The following WASHC5 variants were observed in gnomAD, a reference collection of about 807,000 sequenced individuals.
WASHC5 encodes the protein WASH complex subunit 5, also known as WASH complex subunit strumpellin.
WASHC5 carries 101 observed loss-of-function variants against 150.4 expected under a neutral mutation model. The ratio of observed to expected loss-of-function variants is 0.67; its 90% CI spans 0.57 to 0.79. WASHC5 has a LOEUF of 0.79. Among genes scored for constraint, WASHC5 ranks in the 30% least tolerant of loss-of-function variants. The pLI is 0.00. For synonymous variants in WASHC5, 467 were observed against 491.2 expected (o/e 0.95, Z 0.65); for missense variants, 1,195 against 1,396.3 (o/e 0.86, Z 2.30).
chr8:125,072,335 TA>T lies in WASHC5; in HGVS notation c.1150+817del, dbSNP rs1214416109. On this transcript the variant is annotated intron_variant, in intron 9 of 28. Coordinates refer to ENST00000318410, the MANE Select transcript of WASHC5 (RefSeq NM_014846.4). ...ACCTGGGGAACTTGAGATCCTGTCT[TA>T]AAAAAAAAAAAAAAGTGGGGGGGGG... Among the ~76,000 whole-genome samples the T allele has an allele frequency of 4.6e-3, 324 of 69,880 alleles. 2 individuals are homozygous for T. Among genetic ancestry groups the T allele is most frequent in the African/African-American group, 0.021 (282 of 13,302 alleles). 45.8% of individuals were successfully genotyped at this position (69,880 alleles called of 152,430 possible).
chr8:125,031,147 T>C (rs1202858873), intron 27 of WASHC5, among the ~76,000 whole-genome samples: 1 of 152,204 alleles, frequency 6.6e-6, no homozygotes, highest in Non-Finnish European at 1.5e-5. Context: ...AGTGGCTGCA[T>C]GACTACCTGT....
chr8:125,034,466 G>A lies in WASHC5; in HGVS notation c.3182-2072C>T, dbSNP rs111990997. ...TGCAGTGGGCCGAGATTACGCTACTGCACTTCAGCCTGGGTGACAGAGTGA... is the reference window on the plus strand; with the variant it reads ...TGCAGTGGGCCGAGATTACGCTACTACACTTCAGCCTGGGTGACAGAGTGA... On this transcript the variant is annotated intron_variant, in intron 26 of 28. Transcript: ENST00000318410. Among the ~76,000 whole-genome samples the A allele has an allele frequency of 1.7e-3, 260 of 152,170 alleles. 1 individual carries two copies. Among genetic ancestry groups the A allele is most frequent in the African/African-American group, 6.0e-3 (251 of 41,524 alleles).
At chr8:125,084,644 C>T (rs1817366492) in intron 1 of WASHC5, among the ~76,000 whole-genome samples, 1 of 152,222 alleles carries the variant, frequency 6.6e-6, no homozygotes, top group Admixed American at 6.5e-5. Context: ...TTCCAATGCA[C>T]TCTCTGAGGA....
intron 18 of WASHC5, 147 bp downstream of exon 18, chr8:125,050,417 A>G (rs1816204218): frequency 1.6e-5 from 8 of 505,946 alleles, no homozygotes; most frequent in Non-Finnish European, 2.9e-5. Flanking sequence ...ATCAAAAAGC[A>G]CATCAGTTGT....
chr8:125,032,255 C>T lies in WASHC5; in HGVS notation c.3321G>A (p.Val1107=), dbSNP rs1205663512. The T allele has an allele frequency of 6.2e-7, 1 of 1,614,116 alleles. No individual in the cohort carries two copies. Among genetic ancestry groups the T allele is most frequent in the Non-Finnish European group, 8.5e-7 (1 of 1,180,006 alleles). The change falls in exon 27 of 29, where the codon GTG becomes GTA. Residue 1107 remains valine, a synonymous_variant. Coordinates refer to ENST00000318410, the MANE Select transcript of WASHC5 (RefSeq NM_014846.4). The part of the protein sequence containing the change: ...ALIGQFICST[V]EQCTSQKIPE... Reference sequence around the variant, plus strand: ...GTCTTCTGTACCTTGTACACTGCTCCACCGTGGAGCAGATAAACTGGCCAA... The same window carrying T: ...GTCTTCTGTACCTTGTACACTGCTCTACCGTGGAGCAGATAAACTGGCCAA...
chr8:125,091,326 C>A (rs957248365), intron 1 of WASHC5, among the ~76,000 whole-genome samples: 1 of 152,122 alleles, frequency 6.6e-6, no homozygotes, highest in African/African-American at 2.4e-5. Flanking sequence ...GAAATAACGA[C>A]GACATCCATA....
At chr8:125,077,338 C>T (rs965123859) in intron 6 of WASHC5, among the ~76,000 whole-genome samples, 5 of 152,238 alleles carry the variant, frequency 3.3e-5, no homozygotes, top group Non-Finnish European at 5.9e-5. Context: ...CCAGGCTACT[C>T]GCCATATACA....
Position 125,064,201 on chromosome 8 carries a change from T to C in WASHC5, c.1279-550A>G, listed in dbSNP as rs76752130. Among the ~76,000 whole-genome samples, 223 of 152,126 alleles carry C rather than the reference T, an allele frequency of 1.5e-3. 2 individuals carry two copies. The East Asian group carries it at 0.031, about 21-fold the overall frequency. On this transcript the variant is annotated intron_variant, in intron 10 of 28. Coordinates refer to ENST00000318410, the MANE Select transcript of WASHC5 (RefSeq NM_014846.4). ...ATACAAGTAATTGTGTTTATTGTTA[T>C]TTATTTATTTAGTTTTTGAGAGACA...
At chr8:125,072,940 T>C (rs1816942532) in intron 9 of WASHC5, among the ~76,000 whole-genome samples, 1 of 152,152 alleles carries the variant, frequency 6.6e-6, no homozygotes, top group Non-Finnish European at 1.5e-5. Flanking sequence ...CATCCTCTTA[T>C]TCCCTAGCAC....
chr8:125,052,618 A>ACACACACACG (rs1484230763), intron 17 of WASHC5, among the ~76,000 whole-genome samples: 3 of 151,206 alleles, frequency 2.0e-5, no homozygotes, highest in African/African-American at 4.9e-5. Flanking sequence ...CTACACACAC[A>ACACACACACG]CACACACACA....
intron 24 of WASHC5, 142 bp from the exon 25 acceptor site, chr8:125,039,101 C>G: frequency 3.2e-6 from 3 of 950,294 alleles, no homozygotes; most frequent in Non-Finnish European, 4.9e-6. Flanking sequence ...AATTCTCAAC[C>G]ATGCCTGTGA....
chr8:125,035,973 GAA>G (rs752874542), intron 26 of WASHC5, among the ~76,000 whole-genome samples: 3 of 152,184 alleles, frequency 2.0e-5, no homozygotes, highest in Non-Finnish European at 4.4e-5. Context: ...GAAGGCAGAG[GAA>G]ACACTTTGTT....
intron 1 of WASHC5, among the ~76,000 whole-genome samples, chr8:125,091,411 G>A (rs1817636718): frequency 6.6e-6 from 1 of 152,166 alleles, no homozygotes; most frequent in Non-Finnish European, 1.5e-5. Flanking sequence ...AAGCGAGGAA[G>A]GGGTGTGCAA....
chr8:125,033,064 T>G (rs1192581407), intron 26 of WASHC5, among the ~76,000 whole-genome samples: 2 of 151,736 alleles, frequency 1.3e-5, no homozygotes, highest in African/African-American at 2.4e-5. Flanking sequence ...CCACTGCACC[T>G]GGCTCTACAC....
intron 25 of WASHC5, among the ~76,000 whole-genome samples, chr8:125,037,892 G>A (rs111853096): frequency 0.013 from 1,944 of 152,268 alleles, 35 homozygotes; most frequent in African/African-American, 0.045. Flanking sequence ...CTACAGTCAG[G>A]GCGTACATGG....
At chr8:125,056,520 T>C (rs985573578) in intron 16 of WASHC5, among the ~76,000 whole-genome samples, 157 bp downstream of exon 16, 5 of 152,196 alleles carry the variant, frequency 3.3e-5, no homozygotes, top group African/African-American at 1.2e-4. Context: ...GGTGTGATTG[T>C]ACTAAAATCA....
intron 9 of WASHC5, among the ~76,000 whole-genome samples, chr8:125,069,182 C>G (rs1017388259): frequency 4.2e-4 from 64 of 152,178 alleles, no homozygotes; most frequent in African/African-American, 1.5e-3. Flanking sequence ...CCAACAGTGG[C>G]TTTGCTATAA....
At chr8:125,065,836 C>T (rs10099802) in intron 10 of WASHC5, among the ~76,000 whole-genome samples, 10,823 of 152,084 alleles carry the variant, frequency 0.071, 500 homozygotes, top group Middle Eastern at 0.26. Flanking sequence ...AGACTGGTCT[C>T]GAACTCCTGA....
chr8:125,030,790 T>A (rs1465583915), intron 27 of WASHC5, among the ~76,000 whole-genome samples: 2 of 152,022 alleles, frequency 1.3e-5, no homozygotes, highest in African/African-American at 4.8e-5. Flanking sequence ...GGAAGCCACA[T>A]TTTAAGATGG....
Sources: allele counts gnomAD v4.1 joint callset (sites outside exome capture counted in the v4.1 genomes callset), GRCh38; gene constraint gnomAD v4.1.1; transcripts MANE v1.5; gene names NCBI Gene and HGNC (gene_info 2026-07-23, HGNC 2026-07-21).